DAB1: variants seen among roughly 807,000 people sequenced by gnomAD.
DAB1 encodes disabled homolog 1.
A neutral mutation model predicts 64.6 loss-of-function variants in DAB1; 15 were observed. That is an observed-to-expected ratio of 0.23 (90% CI 0.16 to 0.36). The LOEUF is 0.36. Ranked by LOEUF, DAB1 falls within the 10% of genes least tolerant of loss-of-function variation. DAB1 has a pLI of 1.00. For missense variants in DAB1, 596 were observed against 706.7 expected (o/e 0.84, Z 1.78); for synonymous variants, 235 against 251.9 (o/e 0.93, Z 0.64).
intron 5 of DAB1, among the ~76,000 whole-genome samples, chr1:58,067,648 A>G (rs1479252338): frequency 6.6e-6 from 1 of 152,242 alleles, no homozygotes; most frequent in African/African-American, 2.4e-5. Flanking sequence ...TTATTTTGTT[A>G]GGAACATTTT....
intron 7 of DAB1, among the ~76,000 whole-genome samples, chr1:57,528,090 TTAAC>T (rs1644615271): frequency 6.6e-6 from 1 of 152,066 alleles, no homozygotes. Flanking sequence ...AATTAGAACT[TTAAC>T]TATGATAAAT....
At chr1:57,045,697 C>CA in intron 9 of DAB1, among the ~76,000 whole-genome samples, 1 of 151,284 alleles carries the variant, frequency 6.6e-6, no homozygotes, top group African/African-American at 2.4e-5. Flanking sequence ...GACTCCATCT[C>CA]AAAAAAATAA....
chr1:57,123,713 C>T (rs369167795), intron 4 of DAB1, among the ~76,000 whole-genome samples: 9 of 152,038 alleles, frequency 5.9e-5, no homozygotes, highest in African/African-American at 2.2e-4. Context: ...TACTCCTATG[C>T]TAGAATGCTT....
intron 5 of DAB1, among the ~76,000 whole-genome samples, chr1:57,997,141 C>T (rs1646437843): frequency 1.3e-5 from 2 of 152,136 alleles, no homozygotes; most frequent in African/African-American, 4.8e-5. Context: ...TATTGGGAAG[C>T]TCGGCAAGTG....
At chr1:57,467,666 C>T (rs1342257249) in intron 7 of DAB1, among the ~76,000 whole-genome samples, 1 of 152,066 alleles carries the variant, frequency 6.6e-6, no homozygotes, top group African/African-American at 2.4e-5. Context: ...TGCTGTACAT[C>T]CAGCACAGTG....
rs79857630 is a variant in DAB1, at chr1:57,301,130, C to G, written c.-136-9964G>C. Among the ~76,000 whole-genome samples, 186 of 152,220 alleles carry G rather than the reference C, an allele frequency of 1.2e-3. 3 individuals carry two copies. In the East Asian group the frequency reaches 0.034, roughly 28 times the overall value. ...AGGTAAAAAGCAAACATACCCAACT[C>G]TTTCAGAACACAGTCATTAAATCAC... On this transcript the variant is annotated intron_variant, in intron 1 of 14. Coordinates refer to ENST00000371236, the MANE Select transcript of DAB1 (RefSeq NM_001365792.1).
intron 2 of DAB1, among the ~76,000 whole-genome samples, chr1:57,285,509 G>A (rs1672243837): frequency 6.6e-6 from 1 of 152,108 alleles, no homozygotes; most frequent in Admixed American, 6.5e-5. Flanking sequence ...CTGACCTCAG[G>A]TGATCTGCCC....
intron 3 of DAB1, among the ~76,000 whole-genome samples, chr1:58,473,448 A>T (rs2100334311): frequency 6.6e-6 from 1 of 152,164 alleles, no homozygotes; most frequent in South Asian, 2.1e-4. Context: ...AGGCTGAGGC[A>T]GGAGAATGGC....
intron 3 of DAB1, among the ~76,000 whole-genome samples, chr1:58,464,598 A>T (rs1367851484): frequency 6.6e-6 from 1 of 152,214 alleles, no homozygotes; most frequent in Non-Finnish European, 1.5e-5. Context: ...AACTTCTCTG[A>T]GTTCCTTTTC....
chr1:57,177,345 A>T lies in DAB1; in HGVS notation c.68-31916T>A, dbSNP rs147925042. Among the ~76,000 whole-genome samples, 111 of 152,308 alleles carry T rather than the reference A, an allele frequency of 7.3e-4. 1 individual carries two copies. The highest frequency in any genetic ancestry group is 2.1e-3 in the African/African-American group (89 of 41,582). ...CACTCCCATGTTGTGTAGGATAAAC[A>T]GGTTAATAAACTTGCATTTGCTTTT... On this transcript the variant is annotated intron_variant, in intron 2 of 14. Transcript: ENST00000371236.
intron 5 of DAB1, among the ~76,000 whole-genome samples, chr1:57,965,040 G>A (rs1361887120): frequency 6.6e-6 from 1 of 152,164 alleles, no homozygotes; most frequent in South Asian, 2.1e-4. Flanking sequence ...TATGAAGAAT[G>A]GATGGAACAT....
At chr1:57,051,334 G>C (rs888403627) in intron 9 of DAB1, among the ~76,000 whole-genome samples, 1 of 152,116 alleles carries the variant, frequency 6.6e-6, no homozygotes, top group African/African-American at 2.4e-5. Flanking sequence ...ATTGACAAAC[G>C]TTCAGACAAG....
chr1:58,525,385 G>A (rs1646333655), intron 2 of DAB1, among the ~76,000 whole-genome samples: 1 of 152,062 alleles, frequency 6.6e-6, no homozygotes, highest in Admixed American at 6.5e-5. Context: ...AGATTGGAAA[G>A]GAAGAAATAA....
intron 2 of DAB1, among the ~76,000 whole-genome samples, chr1:57,289,180 C>T (rs949742355): frequency 2.0e-5 from 3 of 152,134 alleles, no homozygotes; most frequent in Non-Finnish European, 4.4e-5. Flanking sequence ...CCCAACTGAG[C>T]CAATGTCCTG....
intron 5 of DAB1, among the ~76,000 whole-genome samples, chr1:57,947,650 C>A (rs529547894): frequency 8.9e-5 from 13 of 146,652 alleles, no homozygotes; most frequent in African/African-American, 2.9e-4. Flanking sequence ...TTCGATGCAC[C>A]AGGTATAACA....
At chr1:57,050,047 T>C (rs569899092) in intron 9 of DAB1, among the ~76,000 whole-genome samples, 16 of 152,262 alleles carry the variant, frequency 1.1e-4, no homozygotes, top group African/African-American at 3.6e-4. Flanking sequence ...TAACACTGTC[T>C]CTTCTGTCCT....
At chr1:57,312,781 C>A (rs536187386) in intron 1 of DAB1, among the ~76,000 whole-genome samples, 1 of 152,270 alleles carries the variant, frequency 6.6e-6, no homozygotes, top group East Asian at 1.9e-4. Context: ...TTCTCATTTG[C>A]AGCAGTGGCC....
intron 1 of DAB1, among the ~76,000 whole-genome samples, chr1:57,398,477 T>C (rs1391520681): frequency 6.6e-6 from 1 of 152,130 alleles, no homozygotes; most frequent in Non-Finnish European, 1.5e-5. Flanking sequence ...GCCAGAGACT[T>C]AATTGTTTTT....
At chr1:58,226,290 T>A (rs1314284907) in intron 4 of DAB1, among the ~76,000 whole-genome samples, 1 of 152,188 alleles carries the variant, frequency 6.6e-6, no homozygotes, top group Non-Finnish European at 1.5e-5. Flanking sequence ...ATATGTAATA[T>A]CCTTTGTAGC....
Sources: allele counts gnomAD v4.1 joint callset (sites outside exome capture counted in the v4.1 genomes callset), GRCh38; gene constraint gnomAD v4.1.1; transcripts MANE v1.5; gene names NCBI Gene and HGNC (gene_info 2026-07-23, HGNC 2026-07-21).